RIN2: variants seen among roughly 807,000 people sequenced by gnomAD.
The protein encoded by RIN2 is Ras and Rab interactor 2.
RIN2 carries 36 observed loss-of-function variants against 78.0 expected under a neutral mutation model. The ratio of observed to expected loss-of-function variants is 0.46; its 90% CI spans 0.35 to 0.61. RIN2 has a LOEUF of 0.61. Among genes scored for constraint, RIN2 ranks in the 20% least tolerant of loss-of-function variants. RIN2 has a pLI of 0.00. For missense variants in RIN2, 1,087 were observed against 1,159.7 expected (o/e 0.94, Z 0.91); for synonymous variants, 466 against 466.8 (o/e 1.00, Z 0.02).
At chr20:19,844,806 A>G (rs534851833) in intron 2 of RIN2, among the ~76,000 whole-genome samples, 12 of 151,850 alleles carry the variant, frequency 7.9e-5, no homozygotes, top group African/African-American at 2.7e-4. Context: ...ACATAGGTAT[A>G]CACGTGCCAT....
At chr20:19,792,094 A>G (rs1457418172) in intron 1 of RIN2, among the ~76,000 whole-genome samples, 2 of 152,186 alleles carry the variant, frequency 1.3e-5, no homozygotes, top group Non-Finnish European at 1.5e-5. Context: ...CCAAGTGGAC[A>G]GTATGAGCTG....
chr20:19,896,622 A>T (rs915485178), intron 3 of RIN2, among the ~76,000 whole-genome samples: 2 of 152,244 alleles, frequency 1.3e-5, no homozygotes, highest in Non-Finnish European at 2.9e-5. Context: ...TGGAAACAGC[A>T]GAGCAAGTAG....
intron 11 of RIN2, among the ~76,000 whole-genome samples, chr20:19,994,276 G>A (rs576494981): frequency 1.8e-4 from 27 of 152,312 alleles, no homozygotes; most frequent in African/African-American, 5.3e-4. Context: ...GCACAGCATC[G>A]AACTGAAGCT....
At chr20:19,935,577 TAA>T (rs778630610) in intron 4 of RIN2, 208 of 1,006,630 alleles carry the variant, frequency 2.1e-4, no homozygotes, top group Non-Finnish European at 2.4e-4. Flanking sequence ...GGGGAGCAGC[TAA>T]AGAGGATGGA....
At chr20:19,884,142 C>G (rs944145905) in intron 2 of RIN2, among the ~76,000 whole-genome samples, 1 of 149,456 alleles carries the variant, frequency 6.7e-6, no homozygotes, top group East Asian at 2.1e-4. Flanking sequence ...TAGGACCAGG[C>G]GTGGTGGTTT....
chr20:19,835,196 T>A (rs1218005578), intron 2 of RIN2, among the ~76,000 whole-genome samples: 1 of 152,052 alleles, frequency 6.6e-6, no homozygotes, highest in African/African-American at 2.4e-5. Flanking sequence ...TTTCCTAGAC[T>A]AACTCCCACA....
intron 5 of RIN2, 135 bp from the exon 6 acceptor site, chr20:19,960,565 A>C: frequency 1.4e-6 from 1 of 692,260 alleles, no homozygotes; most frequent in Non-Finnish European, 2.5e-6. Flanking sequence ...TTTCTATGGC[A>C]GGAGAGTTTC....
chr20:19,897,470 A>G (rs2038783931), intron 3 of RIN2, among the ~76,000 whole-genome samples: 1 of 152,186 alleles, frequency 6.6e-6, no homozygotes, highest in African/African-American at 2.4e-5. Context: ...CAGACTGGAC[A>G]GCAAAGGTTT....
intron 4 of RIN2, among the ~76,000 whole-genome samples, chr20:19,939,974 C>T (rs1327003326): frequency 6.6e-6 from 1 of 152,106 alleles, no homozygotes; most frequent in East Asian, 1.9e-4. Context: ...ATGCCTCCAG[C>T]CTCCTGAGTA....
At chr20:19,900,630 T>G (rs1238049646) in intron 3 of RIN2, among the ~76,000 whole-genome samples, 1 of 144,112 alleles carries the variant, frequency 6.9e-6, no homozygotes, top group African/African-American at 2.7e-5. Context: ...CTCTACTACA[T>G]TAAAAAAAAA....
At chr20:19,855,293 T>C (rs954978000) in intron 2 of RIN2, among the ~76,000 whole-genome samples, 4 of 152,200 alleles carry the variant, frequency 2.6e-5, no homozygotes, top group Admixed American at 6.5e-5. Flanking sequence ...CAGTATGTTA[T>C]TGAGGACTTT....
intron 4 of RIN2, among the ~76,000 whole-genome samples, chr20:19,942,621 G>C (rs2040925611): frequency 6.6e-6 from 1 of 152,148 alleles, no homozygotes; most frequent in Admixed American, 6.5e-5. Context: ...GCTTTGATGT[G>C]TATCCTTCTG....
intron 9 of RIN2, among the ~76,000 whole-genome samples, chr20:19,989,272 CTTT>C (rs11455546): frequency 0.024 from 2,595 of 109,338 alleles, 90 homozygotes; most frequent in African/African-American, 0.08. Context: ...AGAAAACATT[CTTT>C]TTTTTTTTTT....
At chr20:19,839,370 G>A (rs983430840) in intron 2 of RIN2, among the ~76,000 whole-genome samples, 4 of 152,202 alleles carry the variant, frequency 2.6e-5, no homozygotes, top group Non-Finnish European at 2.9e-5. Context: ...TAGATCCGCC[G>A]TATCATACCA....
chr20:19,792,184 C>A (rs1041669942), intron 1 of RIN2, among the ~76,000 whole-genome samples: 2 of 152,168 alleles, frequency 1.3e-5, no homozygotes, highest in Non-Finnish European at 1.5e-5. Context: ...AGCGGAAATT[C>A]CACTTCCAGC....
chr20:19,927,015 T>A (rs536816038), intron 3 of RIN2, among the ~76,000 whole-genome samples: 1 of 152,330 alleles, frequency 6.6e-6, no homozygotes, highest in African/African-American at 2.4e-5. Context: ...CTTTTCTCTC[T>A]ATTAGGGGAA....
chr20:19,818,018 C>T (rs2035815262), intron 2 of RIN2, among the ~76,000 whole-genome samples: 1 of 147,144 alleles, frequency 6.8e-6, no homozygotes, highest in Non-Finnish European at 1.5e-5. Context: ...GTAGAGTGCA[C>T]TTACACAAAA....
chr20:19,954,617 G>T (rs2146225115), intron 4 of RIN2, among the ~76,000 whole-genome samples: 1 of 152,254 alleles, frequency 6.6e-6, no homozygotes, highest in South Asian at 2.1e-4. Flanking sequence ...CTGTGGTCCA[G>T]GGCTGCCAAG....
At chr20:19,833,574 CAAG>C (rs1276088966) in intron 2 of RIN2, among the ~76,000 whole-genome samples, 1 of 152,162 alleles carries the variant, frequency 6.6e-6, no homozygotes, top group Non-Finnish European at 1.5e-5. Context: ...GCAAGAATGC[CAAG>C]AATATTTTGC....
Sources: gnomAD v4.1 joint callset for allele counts (sites outside exome capture counted in the v4.1 genomes callset) on GRCh38, gnomAD v4.1.1 for gene constraint, MANE v1.5 for transcripts, NCBI Gene and HGNC (gene_info 2026-07-23, HGNC 2026-07-21) for gene names.